USP20: variants seen among roughly 807,000 people sequenced by gnomAD.
The protein encoded by USP20 is ubiquitin specific peptidase 20, also known as ubiquitin carboxyl-terminal hydrolase 20.
USP20 carries 80 observed loss-of-function variants against 124.2 expected under a neutral mutation model. That is an observed-to-expected ratio of 0.64 (90% CI 0.54 to 0.78). The LOEUF is 0.78. USP20 is among the 30% of genes least tolerant of loss of function. The probability of loss-of-function intolerance (pLI) is 0.00; values close to 1 mark genes in which losing one functional copy is unlikely to be tolerated. For synonymous variants in USP20, 481 were observed against 512.3 expected, an observed-to-expected ratio of 0.94 and a Z score of 0.83; for missense variants, 1,043 against 1,244.4, an observed-to-expected ratio of 0.84 and a Z score of 2.44.
chr9:129,853,569 C>T (rs376190507), intron 3 of USP20, among the ~76,000 whole-genome samples: 4 of 152,204 alleles, frequency 2.6e-5, no homozygotes, highest in African/African-American at 9.7e-5. Context: ...TAATGCTGGT[C>T]GCCTGGCCTC....
At position 129,879,264 on chromosome 9, in the gene USP20, A is replaced by G. The variant is rs149042334; in HGVS notation, c.2513-309A>G. On this transcript the variant is annotated intron_variant, in intron 23 of 25. Coordinates refer to ENST00000372429, the MANE Select transcript of USP20 (RefSeq NM_001110303.4). This position sits in a 1 kb window ranked among gnomAD's most constrained non-coding sequence, Gnocchi z 4.2. The stretch of plus-strand genomic sequence containing the variant: ...CTTGTCCTGTGGTTGCCGAGGCTAA[A>G]TGAGATAGCTGGGCAGAGGGGAAGG... 4.2e-3 allele frequency: 1,596 copies of G among 382,958 alleles called. 7 individuals carry two copies. Among genetic ancestry groups the G allele is most frequent in the Middle Eastern group, 6.2e-3 (9 of 1,458 alleles). 23.7% of individuals were successfully genotyped at this position (382,958 alleles called of 1,614,324 possible). A position where few individuals can be genotyped will look rare whatever the true frequency, so the allele number is the denominator to read the frequency against.
chr9:129,863,904 G>C (rs2417154), intron 9 of USP20, among the ~76,000 whole-genome samples: 133,055 of 151,750 alleles, frequency 0.88, 58,718 homozygotes, highest in East Asian at 1. Context: ...TCAAGAGATC[G>C]AGACCGTTCT....
At position 129,850,626 on chromosome 9, in the gene USP20, C is replaced by G. The variant is rs1440394292; in HGVS notation, c.-17+702C>G. Among the ~76,000 whole-genome samples the G allele has an allele frequency of 5.9e-5, 9 of 152,102 alleles. No homozygotes were observed. In the East Asian group the frequency reaches 1.7e-3, roughly 29 times the overall value. ...CTCTCAGATCAGGTGGGCACACATGCAGCTTCTGCCTTTGTTTTTTGTTTT... is the reference window on the plus strand; with the variant it reads ...CTCTCAGATCAGGTGGGCACACATGGAGCTTCTGCCTTTGTTTTTTGTTTT... On this transcript the variant is annotated intron_variant, in intron 2 of 25. Coordinates refer to ENST00000372429, the MANE Select transcript of USP20 (RefSeq NM_001110303.4).
chr9:129,869,619 G>T, intron 13 of USP20, 53 bp from the exon 14 acceptor site: 2 of 1,604,444 alleles, frequency 1.2e-6, no homozygotes, highest in South Asian at 2.2e-5. Flanking sequence ...CTTGGGGTTT[G>T]GGGTGCAGAC....
intron 3 of USP20, among the ~76,000 whole-genome samples, chr9:129,854,591 A>T (rs910814247): frequency 6.6e-6 from 1 of 152,226 alleles, no homozygotes; most frequent in African/African-American, 2.4e-5. Flanking sequence ...TATAGATGTC[A>T]TCTGAATTGT....
At chr9:129,875,725 C>A in intron 21 of USP20, 84 bp downstream of exon 21, 1 of 1,349,246 alleles carries the variant, frequency 7.4e-7, no homozygotes. Context: ...GGAAGGAATG[C>A]CACCAGGACC....
intron 1 of USP20, among the ~76,000 whole-genome samples, chr9:129,838,979 C>CAT (rs2032036571): frequency 6.6e-6 from 1 of 152,204 alleles, no homozygotes; most frequent in Non-Finnish European, 1.5e-5. Context: ...CAGAAAAATG[C>CAT]TCTGAAGAAT....
At chr9:129,850,842 C>T (rs966380541) in intron 2 of USP20, among the ~76,000 whole-genome samples, 10 of 152,034 alleles carry the variant, frequency 6.6e-5, no homozygotes, top group East Asian at 1.9e-4. Flanking sequence ...TTAGTAGAGA[C>T]GGGATTTCTC....
intron 4 of USP20, among the ~76,000 whole-genome samples, chr9:129,857,423 G>A (rs965470893): frequency 2.0e-5 from 3 of 152,228 alleles, no homozygotes; most frequent in South Asian, 4.1e-4. Context: ...GACAGCAGGC[G>A]CTCCTGTAGG....
intron 3 of USP20, among the ~76,000 whole-genome samples, chr9:129,853,390 G>A (rs1450635436): frequency 3.9e-5 from 6 of 152,168 alleles, no homozygotes; most frequent in Non-Finnish European, 8.8e-5. Flanking sequence ...ATTTCATCAT[G>A]TGGCCACAGT....
rs1345806436 is a variant in USP20 at position 129,849,876 on chromosome 9, A to G, written c.-65A>G. The G allele has an allele frequency of 6.6e-6, 1 of 152,270 alleles. No individual in the cohort carries two copies. The highest frequency in any genetic ancestry group is 1.5e-5 in the Non-Finnish European group (1 of 68,106). 9.4% of individuals were successfully genotyped at this position (152,270 alleles called of 1,614,324 possible). On this transcript the variant is annotated 5_prime_UTR_variant, in exon 2 of 26. Transcript: ENST00000372429. ...TAGCCCGTCGCTGTCAGCTGTCAACAAAGGATGCGAATGCTGGCCGCTTCC... is the reference window on the plus strand; with the variant it reads ...TAGCCCGTCGCTGTCAGCTGTCAACGAAGGATGCGAATGCTGGCCGCTTCC...
intron 17 of USP20, among the ~76,000 whole-genome samples, 162 bp from the exon 18 acceptor site, chr9:129,874,414 T>C (rs558144530): frequency 7.9e-4 from 121 of 152,242 alleles, no homozygotes; most frequent in African/African-American, 2.8e-3. Flanking sequence ...GTGATCTGTG[T>C]GACTTAGAGC....
In USP20 at chr9:129,881,781, C is replaced by T. The variant is rs1413453388; in HGVS notation, c.*1331C>T. 6.6e-6 allele frequency: 1 copy of T among 152,296 alleles called. No individual in the cohort carries two copies. The highest frequency in any genetic ancestry group is 6.5e-5 in the Admixed American group (1 of 15,288). 9.4% of individuals were successfully genotyped at this position (152,296 alleles called of 1,614,324 possible). A position where few individuals can be genotyped will look rare whatever the true frequency, so the allele number is the denominator to read the frequency against. ...GCTGGGATCGGGCCCCATGTCTGTG[C>T]TGTCTAGTTTGTGTTCAAAATGTCA... On this transcript the variant is annotated 3_prime_UTR_variant, in exon 26 of 26. Coordinates refer to ENST00000372429, the MANE Select transcript of USP20 (RefSeq NM_001110303.4).
chr9:129,853,897 T>TG (rs769245661), intron 3 of USP20, among the ~76,000 whole-genome samples: 34 of 152,148 alleles, frequency 2.2e-4, no homozygotes, highest in Non-Finnish European at 4.4e-4. Context: ...TGGGCTTGTC[T>TG]GGGGTGCTCT....
intron 3 of USP20, 76 bp from the exon 4 acceptor site, chr9:129,856,231 C>A: frequency 6.9e-7 from 1 of 1,459,682 alleles, no homozygotes; most frequent in Non-Finnish European, 9.6e-7. Context: ...GCCCTCCAGG[C>A]AGGAGCAGTC....
At chr9:129,867,893 C>T (rs551163350) in intron 10 of USP20, 112 bp from the exon 11 acceptor site, 18 of 1,318,648 alleles carry the variant, frequency 1.4e-5, no homozygotes, top group African/African-American at 1.3e-4. Flanking sequence ...CTGCAGGGGG[C>T]GCCCATGAGG....
intron 12 of USP20, 38 bp downstream of exon 12, chr9:129,869,040 G>A: frequency 6.3e-7 from 1 of 1,575,614 alleles, no homozygotes; most frequent in Non-Finnish European, 8.6e-7. Flanking sequence ...GCTTGAGGCT[G>A]GGAGTACAGA....
At chr9:129,875,232 CA>C in intron 19 of USP20, 77 bp from the exon 20 acceptor site, 5 of 1,444,100 alleles carry the variant, frequency 3.5e-6, no homozygotes, top group Non-Finnish European at 4.6e-6. Flanking sequence ...GCCCGAGGTG[CA>C]CTGGGATGGG....
Position 129,860,973 on chromosome 9 carries a change from C to G in USP20, c.367C>G (p.Pro123Ala). ...ACCCTCCCACCCTCTGAAAGCTGTTCCTATTGCTGTGGCTGATGAAGGAGA... is the reference window on the plus strand; with the variant it reads ...ACCCTCCCACCCTCTGAAAGCTGTTGCTATTGCTGTGGCTGATGAAGGAGA... ...PPPSHPLKAVPIAVADEGESE... is the reference protein window; with the variant it reads ...PPPSHPLKAVAIAVADEGESE... The change falls in exon 7 of 26, where the codon CCT (proline) becomes GCT (alanine). Residue 123 changes from proline to alanine, a missense_variant. Coordinates refer to ENST00000372429, the MANE Select transcript of USP20 (RefSeq NM_001110303.4). The G allele has an allele frequency of 1.3e-6, 2 of 1,517,044 alleles. No individual in the cohort carries two copies. Among genetic ancestry groups the G allele is most frequent in the Non-Finnish European group, 1.8e-6 (2 of 1,107,506 alleles). 94.0% of individuals were successfully genotyped at this position (1,517,044 alleles called of 1,614,324 possible). A position where few individuals can be genotyped will look rare whatever the true frequency, so the allele number is the denominator to read the frequency against.
Sources: gnomAD v4.1 joint callset for allele counts (sites outside exome capture counted in the v4.1 genomes callset) on GRCh38, gnomAD v4.1.1 for gene constraint, Gnocchi (gnomAD v3.1) non-coding constraint, MANE v1.5 for transcripts, NCBI Gene and HGNC (gene_info 2026-07-23, HGNC 2026-07-21) for gene names.